Variants in RBM4B observed in about 807,000 individuals in gnomAD.
RBM4B encodes the protein RNA binding motif protein 4B, also known as RNA-binding protein 4B.
A neutral mutation model predicts 28.5 loss-of-function variants in RBM4B; 13 were observed. The ratio of observed to expected loss-of-function variants is 0.46; its 90% confidence interval spans 0.30 to 0.72. The LOEUF (loss-of-function observed/expected upper bound fraction) is 0.72. RBM4B is among the 30% of genes least tolerant of loss of function. The pLI, the probability that RBM4B is intolerant of heterozygous loss-of-function variation, is 0.09. For missense variants in RBM4B, 387 were observed against 477.6 expected (o/e 0.81, Z 1.77); for synonymous variants, 167 against 179.1 (o/e 0.93, Z 0.54).
At chr11:66,666,757 T>C (rs1406115423) in intron 3 of RBM4B, 1 of 152,192 alleles carries the variant, frequency 6.6e-6, no homozygotes, top group East Asian at 1.9e-4. Context: ...TTTAAGATCA[T>C]TTGCTTCACA....
At chr11:66,677,194 A>C in intron 1 of RBM4B, 103 bp from the exon 2 acceptor site, 1 of 1,347,050 alleles carries the variant, frequency 7.4e-7, no homozygotes, top group Non-Finnish European at 1.0e-6. Context: ...CACCTTCAAG[A>C]CCCTCGTACA....
At chr11:66,665,849 C>A in intron 3 of RBM4B, 1 of 1,526,978 alleles carries the variant, frequency 6.5e-7, no homozygotes, top group South Asian at 1.2e-5. Flanking sequence ...TCTTATCCAT[C>A]TTTTAGGCAA....
intron 2 of RBM4B, among the ~76,000 whole-genome samples, chr11:66,670,409 A>G (rs1278319758): frequency 6.6e-6 from 1 of 152,164 alleles, no homozygotes; most frequent in African/African-American, 2.4e-5. Context: ...ACTACTAGTT[A>G]GAAAAATGCA....
At chr11:66,668,357 T>C (rs1347505004) in intron 3 of RBM4B, 1 of 422,358 alleles carries the variant, frequency 2.4e-6, no homozygotes, top group African/African-American at 2.0e-5. Context: ...TTACAACTGA[T>C]TAAAGAATGT....
Position 66,676,856 on chromosome 11 carries a change from T to C in RBM4B, c.224A>G (p.Lys75Arg). The C allele has an allele frequency of 2.5e-6, 4 of 1,614,214 alleles. No individual in the cohort carries two copies. The highest frequency in any genetic ancestry group is 3.4e-6 in the Non-Finnish European group (4 of 1,180,032). The change falls in exon 2 of 4, where the codon AAA becomes AGA. Residue 75 changes from lysine to arginine, a missense_variant. This residue lies in a region of RBM4B where 161 missense variants were observed against 256.9 expected (regional missense o/e 0.63). Transcript: ENST00000310046. ...INVEASKNKS[K>R]ASTKLHVGNI... ...ACCCACGTGTAACTTGGTTGAAGCT[T>C]TGCTCTTATTCTTGCTGGCTTCCAC...
At chr11:66,665,624 C>G in intron 3 of RBM4B, 46 bp from the exon 4 acceptor site, 2 of 1,535,552 alleles carry the variant, frequency 1.3e-6, no homozygotes, top group Non-Finnish European at 1.7e-6. Flanking sequence ...GCCTGGAGAG[C>G]AGCCTGGCTC....
chr11:66,668,702 A>C lies in RBM4B; in HGVS notation c.1002T>G (p.Ala334=). ...CCATGTCATACAGAGAATTCCGTGT[A>C]GCTGCGGAAGCCTGAGATAATTCAC... The part of the protein sequence containing the change: ...PESELSQASA[A]TRNSLYDMAR... Residue 334 remains alanine (A), a synonymous_variant, in exon 3 of 4, where the codon GCT becomes GCG. Coordinates refer to ENST00000310046, the MANE Select transcript of RBM4B (RefSeq NM_031492.4). 6.2e-7 allele frequency: 1 copy of C among 1,614,178 alleles called. No individual in the cohort carries two copies. The highest frequency in any genetic ancestry group is 8.5e-7 in the Non-Finnish European group (1 of 1,180,008).
Position 66,665,495 on chromosome 11 carries a change from G to A in RBM4B, c.*93C>T. 1.9e-6 allele frequency: 2 copies of A among 1,037,012 alleles called. No individual in the cohort carries two copies. The allele number at this position is 1,037,012 out of a possible 1,614,324, so 64.2% of individuals were successfully genotyped here. On this transcript the variant is annotated 3_prime_UTR_variant, in exon 4 of 4. Coordinates refer to ENST00000310046, the MANE Select transcript of RBM4B (RefSeq NM_031492.4). ...TTTGTTTACTGAAACATGAAGCAAT[G>A]GAAACATCCCGGCAAAGGGGACCGC... is the stretch of plus-strand genomic sequence containing the variant.
At chr11:66,666,507 T>G in intron 3 of RBM4B, 7 of 958,722 alleles carry the variant, frequency 7.3e-6, no homozygotes, top group Non-Finnish European at 8.7e-6. Context: ...GAAGGTAAGT[T>G]TCTTTAAAAG....
In RBM4B at chr11:66,676,951, T is replaced by G; in HGVS notation, c.129A>C (p.Glu43Asp). ...IIKNYGFVHIEDKTAAEDAIR... is the reference protein window; with the variant it reads ...IIKNYGFVHIDDKTAAEDAIR... ...TGGCATCCTCAGCTGCCGTCTTGTC[T>G]TCTATGTGCACAAAGCCGTAATTCT... Residue 43 changes from glutamate to aspartate, a missense_variant, in exon 2 of 4, where the codon GAA becomes GAC. Physicochemically the swap from Glu to Asp is conservative, Grantham distance 45. Transcript: ENST00000310046. The G allele has an allele frequency of 6.2e-7, 1 of 1,614,178 alleles. No homozygotes were observed. Among genetic ancestry groups the G allele is most frequent in the South Asian group, 1.1e-5 (1 of 91,080 alleles).
chr11:66,672,442 C>G (rs1445259850), intron 2 of RBM4B, among the ~76,000 whole-genome samples: 1 of 141,102 alleles, frequency 7.1e-6, no homozygotes, highest in Non-Finnish European at 1.6e-5. Flanking sequence ...CACAAAAAAA[C>G]CAAAACAACC....
intron 2 of RBM4B, among the ~76,000 whole-genome samples, chr11:66,672,507 G>T (rs1056861489): frequency 9.9e-5 from 14 of 141,694 alleles, no homozygotes; most frequent in African/African-American, 3.9e-4. Flanking sequence ...AATTTTTTTG[G>T]GGGGGGGGGA....
chr11:66,665,424 A>G lies in RBM4B; in HGVS notation c.*164T>C, dbSNP rs1939189325. ...CTAGTTTCAGGAGGAAAGAAAAGTC[A>G]ACTTAGAAGAATTAAGAAAGAAAAC... On this transcript the variant is annotated 3_prime_UTR_variant, in exon 4 of 4. Transcript: ENST00000310046. 3 of 672,552 alleles carry G rather than the reference A, an allele frequency of 4.5e-6. No individual in the cohort carries two copies. Among genetic ancestry groups the G allele is most frequent in the Non-Finnish European group, 7.8e-6 (3 of 382,342 alleles). 41.7% of individuals were successfully genotyped at this position (672,552 alleles called of 1,614,324 possible).
Position 66,665,540 on chromosome 11 carries a change from A to G in RBM4B, c.*48T>C. The G allele has an allele frequency of 2.0e-6, 3 of 1,503,688 alleles. No homozygotes were observed. Among genetic ancestry groups the G allele is most frequent in the Non-Finnish European group, 2.7e-6 (3 of 1,117,240 alleles). The allele number at this position is 1,503,688 out of a possible 1,614,324, so 93.1% of individuals were successfully genotyped here. Reference sequence around the variant, plus strand: ...GACCGCGCGGAGCAAGTTCTCATATATGACCGCAGCCCGAGGGTTCAGTCC... The same window carrying G: ...GACCGCGCGGAGCAAGTTCTCATATGTGACCGCAGCCCGAGGGTTCAGTCC... On this transcript the variant is annotated 3_prime_UTR_variant, in exon 4 of 4. Transcript: ENST00000310046.
chr11:66,675,759 C>G (rs1487938018), intron 2 of RBM4B: 1 of 152,174 alleles, frequency 6.6e-6, no homozygotes. Context: ...TGTTCTGTGT[C>G]TCTATTAATA....
intron 2 of RBM4B, among the ~76,000 whole-genome samples, chr11:66,672,655 C>G (rs1190499946): frequency 6.6e-6 from 1 of 151,718 alleles, no homozygotes; most frequent in Non-Finnish European, 1.5e-5. Context: ...GCTACCACAC[C>G]TGGCTAATTT....
At chr11:66,674,174 TTTC>T (rs1168015095) in intron 2 of RBM4B, among the ~76,000 whole-genome samples, 7 of 151,406 alleles carry the variant, frequency 4.6e-5, no homozygotes, top group Admixed American at 2.0e-4. Context: ...CTGATTTTTT[TTTC>T]TTTTTTTTTT....
chr11:66,669,122 A>G lies in RBM4B; in HGVS notation c.582T>C (p.Tyr194=), dbSNP rs765179407. ...ADFTEQYNEQ[Y]GAVRTPYTMG... ...TGGTGTAAGGTGTTCGAACTGCTCCATATTGTTCATTATACTGCTCAGTAA... is the reference window on the plus strand; with the variant it reads ...TGGTGTAAGGTGTTCGAACTGCTCCGTATTGTTCATTATACTGCTCAGTAA... The change falls in exon 3 of 4, where the codon TAT becomes TAC. Residue 194 remains tyrosine (Y), a synonymous_variant. Transcript: ENST00000310046. 3.2e-5 allele frequency: 51 copies of G among 1,614,020 alleles called. No individual in the cohort carries two copies. The highest frequency in any genetic ancestry group is 4.0e-5 in the African/African-American group (3 of 74,898).
chr11:66,669,406 G>A, intron 2 of RBM4B, 115 bp from the exon 3 acceptor site: 2 of 1,003,480 alleles, frequency 2.0e-6, no homozygotes, highest in Admixed American at 5.4e-5. Context: ...ACACACCTGT[G>A]ACCCTATTTC....
Sources: gnomAD v4.1 joint callset for allele counts (sites outside exome capture counted in the v4.1 genomes callset) on GRCh38, gnomAD v4.1.1 for gene constraint, gnomAD v4.1.1 regional missense constraint, MANE v1.5 for transcripts, NCBI Gene and HGNC (gene_info 2026-07-23, HGNC 2026-07-21) for gene names.